MACF1: variants seen among roughly 807,000 people sequenced by gnomAD.
The protein encoded by MACF1 is microtubule actin crosslinking factor 1.
A neutral mutation model predicts 854.8 loss-of-function variants in MACF1; 193 were observed. The ratio of observed to expected loss-of-function variants is 0.23; its 90% confidence interval spans 0.20 to 0.25. The LOEUF is 0.25. Among genes scored for constraint, MACF1 ranks in the 10% least tolerant of loss-of-function variants. MACF1 has a pLI of 1.00. For missense variants in MACF1, 7,722 were observed against 8,929.1 expected, an observed-to-expected ratio of 0.86 and a Z score of 5.45; for synonymous variants, 3,185 against 3,226.7, an observed-to-expected ratio of 0.99 and a Z score of 0.44.
chr1:39,312,141 T>A (rs2148438062), intron 26 of MACF1, among the ~76,000 whole-genome samples: 1 of 152,256 alleles, frequency 6.6e-6, no homozygotes, highest in Non-Finnish European at 1.5e-5. Flanking sequence ...GGAGAATCGC[T>A]TGAACCCAAG....
rs569824578 is a variant in MACF1 at position 39,464,689 on chromosome 1, G to A, written c.21754-406G>A. On this transcript the variant is annotated intron_variant, in intron 94 of 100. Transcript: ENST00000564288. The stretch of plus-strand genomic sequence containing the variant: ...TTGGAAGGTAGAGAGGCGAGCGAGC[G>A]GATCACTTGAGGTCAGGAATTCGAG... The A allele has an allele frequency of 4.9e-5, 9 of 185,456 alleles. No homozygotes were observed. The South Asian group carries it at 7.3e-4, about 15-fold the overall frequency. The allele number at this position is 185,456 out of a possible 1,614,324, so 11.5% of individuals were successfully genotyped here.
intron 99 of MACF1, among the ~76,000 whole-genome samples, chr1:39,483,839 T>A (rs1043737724): frequency 6.6e-6 from 1 of 152,182 alleles, no homozygotes; most frequent in African/African-American, 2.4e-5. Context: ...CTTACTAAAG[T>A]TACTGCACCT....
Position 39,467,183 on chromosome 1 carries a change from G to A in MACF1, c.21772-1432G>A, listed in dbSNP as rs571969924. 8.7e-4 allele frequency among the ~76,000 whole-genome samples: 132 copies of A among 152,206 alleles called. 4 individuals are homozygous for A. The South Asian group carries it at 0.022, about 25-fold the overall frequency. On this transcript the variant is annotated intron_variant, in intron 95 of 100. Transcript: ENST00000564288. ...AGATCGAGACTAACCTGGCTAACACGGTGAAACACCGTCTCTACTAAAAAT... is the reference window on the plus strand; with the variant it reads ...AGATCGAGACTAACCTGGCTAACACAGTGAAACACCGTCTCTACTAAAAAT...
rs775672098 is a variant in MACF1 at position 39,388,629 on chromosome 1, A to G, written c.15787A>G (p.Ile5263Val). ...LQWVVGTEVE[I>V]INQQLADFKM... ...GTGGGTAGTGGGGACCGAAGTGGAA[A>G]TCATCAACCAACAATTAGCAGATTT... The change falls in exon 58 of 101, where the codon ATC becomes GTC. Residue 5263 changes from isoleucine to valine, a missense_variant. Ile to Val is a conservative substitution (Grantham distance 29). Around this residue, in one of 15 missense-constraint regions of MACF1, gnomAD observed 2,807 missense variants for 3,235.8 expected, o/e 0.87. Transcript: ENST00000564288. The G allele has an allele frequency of 1.4e-5, 22 of 1,579,368 alleles. No individual in the cohort carries two copies. The highest frequency in any genetic ancestry group is 9.6e-5 in the African/African-American group (7 of 73,280).
chr1:39,154,540 AG>A (rs973651861), intron 2 of MACF1, among the ~76,000 whole-genome samples: 2 of 152,010 alleles, frequency 1.3e-5, no homozygotes. Context: ...GAATTATGGA[AG>A]GTGTTGATTT....
At chr1:39,198,813 ACT>A (rs34920225) in intron 2 of MACF1, among the ~76,000 whole-genome samples, 90,276 of 151,628 alleles carry the variant, frequency 0.6, 28,895 homozygotes, top group South Asian at 0.77. Flanking sequence ...ACAGAGCAAG[ACT>A]CTGTCTCAAG....
chr1:39,415,551 A>G (rs1238255755), intron 58 of MACF1, among the ~76,000 whole-genome samples: 1 of 144,518 alleles, frequency 6.9e-6, no homozygotes, highest in Non-Finnish European at 1.5e-5. Context: ...TTTAGTAGAG[A>G]CGGGTTTCAC....
At chr1:39,473,781 G>A (rs1460340006) in intron 97 of MACF1, among the ~76,000 whole-genome samples, 1 of 152,180 alleles carries the variant, frequency 6.6e-6, no homozygotes, top group East Asian at 1.9e-4. Flanking sequence ...CTAAATGCAA[G>A]CCTCGCACTG....
rs889042204 is a variant in MACF1 at position 39,171,665 on chromosome 1, G to A, written c.221-59517G>A. 1.7e-4 allele frequency among the ~76,000 whole-genome samples: 26 copies of A among 152,160 alleles called. No individual in the cohort carries two copies. In the Middle Eastern group the frequency reaches 0.017, roughly 100 times the overall value. ...TTTTTGGACACAGTCTCGCTCTGTC[G>A]CCCAAGCTGGAGTGCAGTGGTGCTA... On this transcript the variant is annotated intron_variant, in intron 2 of 93. Coordinates refer to the MACF1 transcript ENST00000361689.
In MACF1 at chr1:39,485,963, A is replaced by C. The variant is rs1645096650; in HGVS notation, c.*169A>C. 1.4e-6 allele frequency: 1 copy of C among 701,986 alleles called. No homozygotes were observed. The highest frequency in any genetic ancestry group is 5.5e-5 in the South Asian group (1 of 18,312). 43.5% of individuals were successfully genotyped at this position (701,986 alleles called of 1,614,324 possible). A position where few individuals can be genotyped will look rare whatever the true frequency, so the allele number is the denominator to read the frequency against. ...TTTGTAAGTTACTATTTTCATGTGA[A>C]TATTTATGTAGATAAAATTTGCCTC... On this transcript the variant is annotated 3_prime_UTR_variant, in exon 101 of 101. Transcript: ENST00000564288.
At chr1:39,187,561 G>GTA (rs1222320212) in intron 2 of MACF1, among the ~76,000 whole-genome samples, 5 of 152,168 alleles carry the variant, frequency 3.3e-5, no homozygotes, top group Non-Finnish European at 7.4e-5. Flanking sequence ...TTTCATTGTG[G>GTA]TATATCCTAG....
At chr1:39,480,893 C>A in intron 98 of MACF1, 27 bp from the exon 99 acceptor site, 1 of 1,254,076 alleles carries the variant, frequency 8.0e-7, no homozygotes, top group Non-Finnish European at 1.1e-6. Context: ...TTGTTCCTGT[C>A]CTTCCCTTTG....
chr1:39,233,410 G>A (rs982141214), intron 2 of MACF1, among the ~76,000 whole-genome samples: 12 of 152,210 alleles, frequency 7.9e-5, no homozygotes, highest in Non-Finnish European at 1.5e-4. Flanking sequence ...TCATTTCTCT[G>A]CTTTTCGTTT....
intron 26 of MACF1, among the ~76,000 whole-genome samples, chr1:39,314,567 T>TCACACACACACA (rs761098207): frequency 1.6e-4 from 19 of 115,262 alleles, no homozygotes; most frequent in Non-Finnish European, 3.3e-4. Context: ...TCTCTCTCTC[T>TCACACACACACA]CTCACACACA....
At chr1:39,337,102 T>C (rs1646824667) in intron 37 of MACF1, 80 bp from the exon 38 acceptor site, 1 of 1,422,642 alleles carries the variant, frequency 7.0e-7, no homozygotes, top group African/African-American at 1.4e-5. Context: ...TCTATTTGTC[T>C]AACAAAAACC....
At chr1:39,355,906 C>T (rs1647521240) in intron 44 of MACF1, among the ~76,000 whole-genome samples, 1 of 152,048 alleles carries the variant, frequency 6.6e-6, no homozygotes, top group African/African-American at 2.4e-5. Flanking sequence ...TATGTTGTTG[C>T]TCAGGCTGGT....
At chr1:39,158,651 T>A (rs1040996788) in intron 2 of MACF1, among the ~76,000 whole-genome samples, 3 of 151,948 alleles carry the variant, frequency 2.0e-5, no homozygotes, top group African/African-American at 7.3e-5. Context: ...TGGGCTGGGG[T>A]CTAGAGAGAA....
chr1:39,430,164 T>C, intron 65 of MACF1, 96 bp downstream of exon 65: 1 of 1,342,260 alleles, frequency 7.5e-7, no homozygotes, highest in South Asian at 1.5e-5. Context: ...AAACTAAAAA[T>C]ATGTGCCCCC....
intron 58 of MACF1, among the ~76,000 whole-genome samples, chr1:39,414,803 A>G (rs953041753): frequency 6.6e-6 from 1 of 152,364 alleles, no homozygotes; most frequent in East Asian, 1.9e-4. Flanking sequence ...TACAGTGAGC[A>G]TGTTCTTGCC....
Sources: allele counts gnomAD v4.1 joint callset (sites outside exome capture counted in the v4.1 genomes callset), GRCh38; gene constraint gnomAD v4.1.1; regional missense constraint gnomAD v4.1.1; transcripts MANE v1.5; gene names NCBI Gene and HGNC (gene_info 2026-07-23, HGNC 2026-07-21).